Variants in WWOX observed in about 807,000 individuals in gnomAD.
WWOX encodes the protein WW domain containing oxidoreductase.
A neutral mutation model predicts 46.2 loss-of-function variants in WWOX; 69 were observed. The observed-to-expected ratio is 1.49, with a 90% CI of 1.23 to 1.82. WWOX has a LOEUF of 1.82. Ranked by LOEUF, WWOX falls within the 40% of genes most tolerant of loss-of-function variation. The pLI is 0.00. For synonymous variants in WWOX, 359 were observed against 202.6 expected, an observed-to-expected ratio of 1.77 and a Z score of -6.56; for missense variants, 919 against 542.6, an observed-to-expected ratio of 1.69 and a Z score of -6.89.
intron 8 of WWOX, among the ~76,000 whole-genome samples, chr16:78,749,108 G>A (rs556630666): frequency 6.6e-5 from 10 of 152,178 alleles, no homozygotes; most frequent in Non-Finnish European, 1.5e-4. Flanking sequence ...TTGGTGGACC[G>A]AGGCTATGGT....
Position 78,108,407 on chromosome 16 carries a change from T to G in WWOX, c.108-16T>G. Reference sequence around the variant, plus strand: ...TAATTTTTACTTATTACTGTGGATTTTTTGTTTTTTAACAGTCACACCGAG... The same window carrying G: ...TAATTTTTACTTATTACTGTGGATTGTTTGTTTTTTAACAGTCACACCGAG... On this transcript the variant is annotated splice_polypyrimidine_tract_variant and intron_variant, in intron 1 of 8. Transcript: ENST00000566780. 1 of 1,612,722 alleles carries G rather than the reference T, an allele frequency of 6.2e-7. No homozygotes were observed. Among genetic ancestry groups the G allele is most frequent in the Non-Finnish European group, 8.5e-7 (1 of 1,179,364 alleles).
intron 8 of WWOX, among the ~76,000 whole-genome samples, chr16:78,635,221 A>T (rs1384442042): frequency 6.6e-6 from 1 of 152,208 alleles, no homozygotes; most frequent in Non-Finnish European, 1.5e-5. Flanking sequence ...CTGGGCTATT[A>T]GAATTAGATG....
Position 79,019,669 on chromosome 16 carries a change from T to C in WWOX, c.1057-191939T>C, listed in dbSNP as rs542654228. Among the ~76,000 whole-genome samples, 204 of 151,768 alleles carry C rather than the reference T, an allele frequency of 1.3e-3. 1 individual carries two copies. Among genetic ancestry groups the C allele is most frequent in the Admixed American group, 2.5e-3 (38 of 15,198 alleles). ...TGCATACTGGATAAGCAAGGGAGAC[T>C]CCAACCCCGGGCTCTCTAAGGGTGT... On this transcript the variant is annotated intron_variant, in intron 8 of 8. Transcript: ENST00000566780.
chr16:79,199,082 A>G (rs1248718927), intron 8 of WWOX, among the ~76,000 whole-genome samples: 1 of 152,108 alleles, frequency 6.6e-6, no homozygotes, highest in Non-Finnish European at 1.5e-5. Flanking sequence ...TTATTTTTCA[A>G]GATGGAGTCT....
At chr16:78,201,244 T>C (rs959489494) in intron 5 of WWOX, among the ~76,000 whole-genome samples, 3 of 152,272 alleles carry the variant, frequency 2.0e-5, no homozygotes, top group African/African-American at 7.2e-5. Context: ...GATTGTCTGT[T>C]AAGACACTTA....
At chr16:78,870,588 A>G (rs951808667) in intron 8 of WWOX, among the ~76,000 whole-genome samples, 1 of 151,510 alleles carries the variant, frequency 6.6e-6, no homozygotes, top group African/African-American at 2.4e-5. Context: ...TCTCACCCCT[A>G]CCAATGTAAT....
At chr16:78,779,993 T>C (rs1184633408) in intron 8 of WWOX, among the ~76,000 whole-genome samples, 1 of 152,214 alleles carries the variant, frequency 6.6e-6, no homozygotes, top group Non-Finnish European at 1.5e-5. Flanking sequence ...GTGTCTTCTG[T>C]GTCAACATCT....
At chr16:78,437,859 C>T (rs2083366846) in intron 8 of WWOX, among the ~76,000 whole-genome samples, 1 of 152,156 alleles carries the variant, frequency 6.6e-6, no homozygotes, top group African/African-American at 2.4e-5. Context: ...TTCTTTTATG[C>T]AGTTAAATTA....
intron 8 of WWOX, among the ~76,000 whole-genome samples, chr16:78,783,485 G>C (rs867068442): frequency 9.2e-5 from 14 of 152,198 alleles, no homozygotes; most frequent in African/African-American, 3.4e-4. Context: ...AGGGAAAGTA[G>C]CTCTTTGTAC....
At position 78,465,022 on chromosome 16, in the gene WWOX, C is replaced by T. The variant is rs11866424; in HGVS notation, c.1056+32270C>T. On this transcript the variant is annotated intron_variant, in intron 8 of 8. Transcript: ENST00000566780. ...TCTTACATGGCAGCAGACAAGAAAG[C>T]GTGTGCAGGGGAACTGCCCTTTATA... Among the ~76,000 whole-genome samples, 100 of 152,250 alleles carry T rather than the reference C, an allele frequency of 6.6e-4. No individual in the cohort carries two copies. The East Asian group carries it at 7.9e-3, about 12-fold the overall frequency.
intron 8 of WWOX, among the ~76,000 whole-genome samples, chr16:78,669,779 G>A (rs191690928): frequency 6.6e-6 from 1 of 152,024 alleles, no homozygotes; most frequent in Non-Finnish European, 1.5e-5. Context: ...CATCCCACAT[G>A]GCACCCCTAT....
At chr16:78,129,103 T>G (rs920025562) in intron 4 of WWOX, among the ~76,000 whole-genome samples, 4 of 152,150 alleles carry the variant, frequency 2.6e-5, no homozygotes. Context: ...AAAAGCTGAC[T>G]TGGGAGCTGT....
chr16:79,120,417 C>T (rs1390583846), intron 8 of WWOX, among the ~76,000 whole-genome samples: 1 of 152,198 alleles, frequency 6.6e-6, no homozygotes, highest in Non-Finnish European at 1.5e-5. Flanking sequence ...TGCACTTCCA[C>T]AGTACCCGAA....
At chr16:78,840,906 A>G (rs1033311501) in intron 8 of WWOX, among the ~76,000 whole-genome samples, 10 of 151,854 alleles carry the variant, frequency 6.6e-5, no homozygotes, top group African/African-American at 2.2e-4. Flanking sequence ...AAACATCTAG[A>G]CGTAGTTCTC....
chr16:78,865,660 A>T (rs1454152647), intron 8 of WWOX, among the ~76,000 whole-genome samples: 1 of 152,130 alleles, frequency 6.6e-6, no homozygotes, highest in Non-Finnish European at 1.5e-5. Context: ...TGGGTGGATC[A>T]CCTGAGGTCA....
chr16:78,385,921 G>T (rs565922463), intron 5 of WWOX, among the ~76,000 whole-genome samples: 1 of 152,314 alleles, frequency 6.6e-6, no homozygotes, highest in African/African-American at 2.4e-5. Flanking sequence ...AGATTTAAAA[G>T]TTGGGAGTGG....
At chr16:78,442,260 A>AT (rs1267997984) in intron 8 of WWOX, among the ~76,000 whole-genome samples, 2 of 152,112 alleles carry the variant, frequency 1.3e-5, no homozygotes, top group African/African-American at 2.4e-5. Context: ...CATAGCTATC[A>AT]TTTTTTGTGT....
chr16:78,858,359 T>C (rs1345682184), intron 8 of WWOX, among the ~76,000 whole-genome samples: 1 of 151,744 alleles, frequency 6.6e-6, no homozygotes, highest in Non-Finnish European at 1.5e-5. Context: ...TGTATATATA[T>C]GTGTGTGTAT....
At chr16:78,973,458 G>A (rs557930469) in intron 8 of WWOX, among the ~76,000 whole-genome samples, 35 of 152,322 alleles carry the variant, frequency 2.3e-4, no homozygotes, top group South Asian at 1.9e-3. Context: ...ATTCTCATAT[G>A]TTCTTAAAGT....
Sources: gnomAD v4.1 joint callset for allele counts (sites outside exome capture counted in the v4.1 genomes callset) on GRCh38, gnomAD v4.1.1 for gene constraint, MANE v1.5 for transcripts, NCBI Gene and HGNC (gene_info 2026-07-23, HGNC 2026-07-21) for gene names.